The following SYT16 variants were observed in gnomAD, a reference collection of about 807,000 sequenced individuals.
The protein encoded by SYT16 is synaptotagmin 16, also known as synaptotagmin-16.
A neutral mutation model predicts 61.4 loss-of-function variants in SYT16; 42 were observed. That is an observed-to-expected ratio of 0.68 (90% confidence interval 0.53 to 0.89). SYT16 has a LOEUF of 0.89. Ranked by LOEUF, SYT16 falls within the 40% of genes least tolerant of loss-of-function variation. SYT16 has a pLI of 0.00. For synonymous variants in SYT16, 314 were observed against 302.3 expected (o/e 1.04, Z -0.40); for missense variants, 804 against 807.3 (o/e 1.00, Z 0.05).
chr14:61,838,197 A>G (rs2099025230), intron 1 of SYT16, among the ~76,000 whole-genome samples: 1 of 152,170 alleles, frequency 6.6e-6, no homozygotes, highest in Non-Finnish European at 1.5e-5. Context: ...ATTTTTCTAT[A>G]TTGAATTAAC....
chr14:61,992,334 C>G lies in SYT16; in HGVS notation c.-144-3542C>G, dbSNP rs78955556. On this transcript the variant is annotated intron_variant, in intron 2 of 7. Transcript: ENST00000683842. ...GTGTCAGTGAGACTGGCACATAGGA[C>G]TTTACAGCGAGGAGTGGTAAGGAAA... 6.6e-3 allele frequency among the ~76,000 whole-genome samples: 1,006 copies of G among 152,210 alleles called. 15 individuals are homozygous for G. Among genetic ancestry groups the G allele is most frequent in the African/African-American group, 0.023 (948 of 41,530 alleles).
intron 1 of SYT16, among the ~76,000 whole-genome samples, chr14:61,905,285 G>A (rs928583963): frequency 2.0e-5 from 3 of 151,794 alleles, no homozygotes; most frequent in Non-Finnish European, 4.4e-5. Flanking sequence ...TAAAACCTTT[G>A]TGTGAATGGA....
At chr14:62,027,468 A>G (rs367573345) in intron 3 of SYT16, among the ~76,000 whole-genome samples, 11 of 152,360 alleles carry the variant, frequency 7.2e-5, no homozygotes, top group South Asian at 4.1e-4. Flanking sequence ...AAGCTTTTAC[A>G]TCCAGACAGT....
intron 4 of SYT16, among the ~76,000 whole-genome samples, chr14:62,072,890 A>G (rs1254044692): frequency 6.6e-6 from 1 of 152,168 alleles, no homozygotes; most frequent in Non-Finnish European, 1.5e-5. Context: ...TTTCTCTGTT[A>G]AAATAAATTT....
At chr14:62,024,723 C>T (rs1331154737) in intron 3 of SYT16, among the ~76,000 whole-genome samples, 1 of 152,078 alleles carries the variant, frequency 6.6e-6, no homozygotes, top group Non-Finnish European at 1.5e-5. Flanking sequence ...TAATATGCAT[C>T]TACCATTTAT....
intron 1 of SYT16, among the ~76,000 whole-genome samples, chr14:61,957,298 C>A (rs184138162): frequency 2.7e-4 from 41 of 151,790 alleles, no homozygotes; most frequent in Admixed American, 2.6e-4. Flanking sequence ...ATTTGGATGA[C>A]TTTTATTTCT....
intron 7 of SYT16, 79 bp downstream of exon 7, chr14:62,084,464 T>G: frequency 6.9e-7 from 1 of 1,453,282 alleles, no homozygotes; most frequent in Non-Finnish European, 9.2e-7. Flanking sequence ...TCTTAGTTCT[T>G]TAATTTTTAC....
intron 1 of SYT16, chr14:61,864,783 G>C: frequency 1.1e-6 from 1 of 941,038 alleles, no homozygotes; most frequent in Non-Finnish European, 1.7e-6. Flanking sequence ...TTGGGCCCTA[G>C]TGTCTGCCAG....
At chr14:62,078,831 T>C (rs2056606921) in intron 5 of SYT16, among the ~76,000 whole-genome samples, 1 of 152,174 alleles carries the variant, frequency 6.6e-6, no homozygotes, top group Non-Finnish European at 1.5e-5. Context: ...GAGAATTATA[T>C]TGTGTGGGTA....
chr14:61,900,990 C>T (rs1184657165), intron 1 of SYT16, among the ~76,000 whole-genome samples: 1 of 152,238 alleles, frequency 6.6e-6, no homozygotes, highest in Non-Finnish European at 1.5e-5. Context: ...GCCTTGTTGA[C>T]TGCAGTGTAG....
rs75897050 is a variant in SYT16, at chr14:62,032,398, A to G, written c.523+35856A>G. ...TACCATCCTAAAAGTCTGTTAGTCT[A>G]TGACATTTAAAAGAATCAAGGATCA... On this transcript the variant is annotated intron_variant, in intron 3 of 7. Transcript: ENST00000683842. Among the ~76,000 whole-genome samples the G allele has an allele frequency of 6.8e-3, 1,029 of 152,234 alleles. 10 individuals carry two copies. The highest frequency in any genetic ancestry group is 0.024 in the African/African-American group (978 of 41,548).
At chr14:61,869,588 T>C (rs1451097844) in intron 1 of SYT16, among the ~76,000 whole-genome samples, 2 of 152,200 alleles carry the variant, frequency 1.3e-5, no homozygotes, top group Non-Finnish European at 2.9e-5. Flanking sequence ...CTGCCACATA[T>C]GTTATACACC....
At chr14:62,050,737 C>T (rs545838541) in intron 3 of SYT16, among the ~76,000 whole-genome samples, 32 of 152,162 alleles carry the variant, frequency 2.1e-4, no homozygotes, top group Admixed American at 9.8e-4. Context: ...TGGAGGTCCA[C>T]GCCAGACCCT....
chr14:62,027,002 CTG>C (rs1566776556), intron 3 of SYT16, among the ~76,000 whole-genome samples: 1 of 152,032 alleles, frequency 6.6e-6, no homozygotes. Flanking sequence ...CATTTCAATG[CTG>C]TGTGTCTCCG....
chr14:62,031,875 T>C (rs2054320473), intron 3 of SYT16, among the ~76,000 whole-genome samples: 1 of 152,152 alleles, frequency 6.6e-6, no homozygotes, highest in Non-Finnish European at 1.5e-5. Context: ...TTTCTGCTAC[T>C]GAAAGACTGT....
intron 3 of SYT16, among the ~76,000 whole-genome samples, chr14:62,017,970 C>T (rs990675100): frequency 6.6e-6 from 1 of 152,166 alleles, no homozygotes; most frequent in African/African-American, 2.4e-5. Context: ...CTGGCTTCAC[C>T]TTCTCACAGT....
chr14:62,081,797 C>T (rs1057142105), intron 6 of SYT16, among the ~76,000 whole-genome samples: 3 of 152,184 alleles, frequency 2.0e-5, no homozygotes, highest in Admixed American at 6.5e-5. Context: ...TACATGCCTA[C>T]AGGATGGGCA....
intron 2 of SYT16, among the ~76,000 whole-genome samples, chr14:61,977,431 A>G (rs1212686734): frequency 6.6e-6 from 1 of 152,198 alleles, no homozygotes; most frequent in Non-Finnish European, 1.5e-5. Context: ...AGGAAACTTA[A>G]TCATAGCAGA....
chr14:61,902,904 C>T (rs2048572879), intron 1 of SYT16, among the ~76,000 whole-genome samples: 1 of 152,268 alleles, frequency 6.6e-6, no homozygotes, highest in East Asian at 1.9e-4. Context: ...GAAACTGCTC[C>T]CATGATTCAA....
Sources: gnomAD v4.1 joint callset for allele counts (sites outside exome capture counted in the v4.1 genomes callset) on GRCh38, gnomAD v4.1.1 for gene constraint, MANE v1.5 for transcripts, NCBI Gene and HGNC (gene_info 2026-07-23, HGNC 2026-07-21) for gene names.